SLC8A1: variants seen among roughly 807,000 people sequenced by gnomAD.
SLC8A1 encodes sodium/calcium exchanger 1.
A neutral mutation model predicts 68.3 loss-of-function variants in SLC8A1; 18 were observed. The ratio of observed to expected loss-of-function variants is 0.26; its 90% CI spans 0.18 to 0.39. The LOEUF is 0.39. SLC8A1 is among the 10% of genes least tolerant of loss of function. SLC8A1 has a pLI of 1.00. For synonymous variants in SLC8A1, 475 were observed against 415.5 expected, an observed-to-expected ratio of 1.14 and a Z score of -1.74; for missense variants, 985 against 1,156.7, an observed-to-expected ratio of 0.85 and a Z score of 2.15.
chr2:40,220,538 G>T (rs773333267), intron 2 of SLC8A1, among the ~76,000 whole-genome samples: 4 of 152,118 alleles, frequency 2.6e-5, no homozygotes, highest in Non-Finnish European at 5.9e-5. Context: ...GAATTTTGCA[G>T]TTTTTCTGTT....
At chr2:40,232,105 G>C (rs1234203173) in intron 2 of SLC8A1, among the ~76,000 whole-genome samples, 1 of 152,154 alleles carries the variant, frequency 6.6e-6, no homozygotes, top group African/African-American at 2.4e-5. Flanking sequence ...AGGCTTGGGA[G>C]AGGTGGTAGA....
At chr2:40,398,738 C>A (rs939373007) in intron 2 of SLC8A1, among the ~76,000 whole-genome samples, 3 of 151,986 alleles carry the variant, frequency 2.0e-5, no homozygotes, top group Non-Finnish European at 2.9e-5. Flanking sequence ...TTTTCATAAC[C>A]ATCCCCATAT....
At chr2:40,317,695 G>A (rs1432290043) in intron 2 of SLC8A1, among the ~76,000 whole-genome samples, 1 of 151,812 alleles carries the variant, frequency 6.6e-6, no homozygotes, top group Non-Finnish European at 1.5e-5. Context: ...TTGTAATTAG[G>A]ACACACAATT....
At chr2:40,417,684 A>G (rs1694284129) in intron 2 of SLC8A1, among the ~76,000 whole-genome samples, 1 of 152,012 alleles carries the variant, frequency 6.6e-6, no homozygotes, top group Non-Finnish European at 1.5e-5. Flanking sequence ...GAGGATTTAA[A>G]CCCAGGCTAG....
At chr2:40,309,834 T>A (rs933002629) in intron 2 of SLC8A1, among the ~76,000 whole-genome samples, 1 of 152,172 alleles carries the variant, frequency 6.6e-6, no homozygotes, top group Non-Finnish European at 1.5e-5. Context: ...ATAATTTACA[T>A]ATAATAAAAT....
chr2:40,415,677 C>A (rs1246219505), intron 2 of SLC8A1, among the ~76,000 whole-genome samples: 2 of 151,982 alleles, frequency 1.3e-5, no homozygotes, highest in Non-Finnish European at 2.9e-5. Context: ...CTCTCTTATT[C>A]CACTTGTCTC....
rs184100988 is a variant in SLC8A1, at chr2:40,411,843, A to G, written c.1808+16630T>C. Reference sequence around the variant, plus strand: ...TACAATTTTCTCCTTGTCTTTTAAAAATTTCTTATATTGGGTATCCTGTTT... The same window carrying G: ...TACAATTTTCTCCTTGTCTTTTAAAGATTTCTTATATTGGGTATCCTGTTT... On this transcript the variant is annotated intron_variant, in intron 2 of 7. Transcript: ENST00000406785. 2.1e-4 allele frequency among the ~76,000 whole-genome samples: 32 copies of G among 152,178 alleles called. 1 individual carries two copies. Among genetic ancestry groups the G allele is most frequent in the Non-Finnish European group, 1.5e-4 (10 of 67,942 alleles).
chr2:40,232,089 C>T (rs1168263051), intron 2 of SLC8A1, among the ~76,000 whole-genome samples: 2 of 152,010 alleles, frequency 1.3e-5, no homozygotes, highest in African/African-American at 4.8e-5. Context: ...TTCAAAAAAT[C>T]AAGCAAGGCT....
chr2:40,100,786 G>A (rs1183166692), exon 8 of SLC8A1: 1 of 152,064 alleles, frequency 6.6e-6, no homozygotes, highest in Non-Finnish European at 1.5e-5. Context: ...ACAGGGGAGG[G>A]TCACAGATTT....
intron 2 of SLC8A1, among the ~76,000 whole-genome samples, chr2:40,419,803 ATGTG>A (rs1191233673): frequency 6.6e-6 from 1 of 152,058 alleles, no homozygotes; most frequent in African/African-American, 2.4e-5. Context: ...TTGTGTGTAT[ATGTG>A]TGTGTGTAAG....
chr2:40,144,482 A>C (rs997174021), intron 6 of SLC8A1, among the ~76,000 whole-genome samples: 1 of 152,200 alleles, frequency 6.6e-6, no homozygotes, highest in African/African-American at 2.4e-5. Flanking sequence ...CTTATGGAAG[A>C]AAGTAGAGGA....
At chr2:40,461,954 T>C (rs1703364315) in intron 1 of SLC8A1, among the ~76,000 whole-genome samples, 1 of 151,312 alleles carries the variant, frequency 6.6e-6, no homozygotes, top group South Asian at 2.1e-4. Flanking sequence ...GGAAAGAATA[T>C]GCTAGATTTT....
chr2:40,209,774 G>T (rs2056230536), intron 2 of SLC8A1, among the ~76,000 whole-genome samples: 1 of 152,052 alleles, frequency 6.6e-6, no homozygotes, highest in Non-Finnish European at 1.5e-5. Context: ...ATTTTCTCAG[G>T]GAGACAGGAA....
At chr2:40,393,978 G>C (rs1489484445) in intron 2 of SLC8A1, among the ~76,000 whole-genome samples, 2 of 152,092 alleles carry the variant, frequency 1.3e-5, no homozygotes, top group African/African-American at 4.8e-5. Flanking sequence ...TAAACCAGTG[G>C]TGACTTGCCC....
chr2:40,289,172 G>A (rs2068854736), intron 2 of SLC8A1, among the ~76,000 whole-genome samples: 1 of 151,614 alleles, frequency 6.6e-6, no homozygotes, highest in Non-Finnish European at 1.5e-5. Flanking sequence ...AAAGTAGAGG[G>A]ATATAAGCTA....
Position 40,219,411 on chromosome 2 carries a change from G to T in SLC8A1, c.1809-41556C>A, listed in dbSNP as rs113358384. 2.0e-3 allele frequency among the ~76,000 whole-genome samples: 308 copies of T among 152,290 alleles called. 2 individuals carry two copies. The highest frequency in any genetic ancestry group is 7.0e-3 in the African/African-American group (290 of 41,568). On this transcript the variant is annotated intron_variant, in intron 2 of 7. Transcript: ENST00000406785. ...AATTGCAGGGAGTTCTTTCAAAACAGTTCAAAATATTGTCAAGATTTTCTT... is the reference window on the plus strand; with the variant it reads ...AATTGCAGGGAGTTCTTTCAAAACATTTCAAAATATTGTCAAGATTTTCTT...
At chr2:40,348,098 T>G (rs1260797673) in intron 2 of SLC8A1, among the ~76,000 whole-genome samples, 1 of 152,152 alleles carries the variant, frequency 6.6e-6, no homozygotes, top group Non-Finnish European at 1.5e-5. Flanking sequence ...CTTCTTAATT[T>G]TTACATGGGC....
intron 2 of SLC8A1, among the ~76,000 whole-genome samples, chr2:40,326,459 T>A (rs1032943903): frequency 1.3e-5 from 2 of 150,016 alleles, no homozygotes; most frequent in African/African-American, 5.0e-5. Context: ...AAAAAAAAAA[T>A]GGTGAAGAAA....
intron 2 of SLC8A1, among the ~76,000 whole-genome samples, chr2:40,266,014 C>G (rs990040938): frequency 1.3e-5 from 2 of 152,202 alleles, no homozygotes; most frequent in Non-Finnish European, 2.9e-5. Context: ...ACTCTTCTAT[C>G]AAATCATACT....
Sources: allele counts gnomAD v4.1 joint callset (sites outside exome capture counted in the v4.1 genomes callset), GRCh38; gene constraint gnomAD v4.1.1; transcripts MANE v1.5; gene names NCBI Gene and HGNC (gene_info 2026-07-23, HGNC 2026-07-21).